HS3ST5: variants seen among roughly 807,000 people sequenced by gnomAD.
The protein encoded by HS3ST5 is heparan sulfate glucosamine 3-O-sulfotransferase 5.
In HS3ST5, 10 loss-of-function variants were observed where a neutral mutation model predicts 25.4. That is an observed-to-expected ratio of 0.39 (90% CI 0.24 to 0.67). HS3ST5 has a LOEUF of 0.67. Among genes scored for constraint, HS3ST5 ranks in the 30% least tolerant of loss-of-function variants. The probability of loss-of-function intolerance (pLI) is 0.44; values close to 1 mark genes in which losing one functional copy is unlikely to be tolerated. For synonymous variants in HS3ST5, 170 were observed against 162.4 expected (o/e 1.05, Z -0.36); for missense variants, 324 against 420.7 (o/e 0.77, Z 2.01).
intron 3 of HS3ST5, among the ~76,000 whole-genome samples, chr6:114,087,190 C>T (rs1774884225): frequency 6.6e-6 from 1 of 152,142 alleles, no homozygotes; most frequent in African/African-American, 2.4e-5. Context: ...TTTCTGGCTT[C>T]ATTTCTGATA....
chr6:114,288,691 G>A (rs963240757), intron 1 of HS3ST5, among the ~76,000 whole-genome samples: 28 of 151,938 alleles, frequency 1.8e-4, no homozygotes, highest in Non-Finnish European at 2.8e-4. Flanking sequence ...TCATGAAGAA[G>A]GCATTTATGC....
At chr6:114,160,092 A>G (rs1582665113) in intron 3 of HS3ST5, among the ~76,000 whole-genome samples, 1 of 152,204 alleles carries the variant, frequency 6.6e-6, no homozygotes, top group East Asian at 1.9e-4. Context: ...ACAGGAATAA[A>G]AAGATTGCAT....
chr6:114,270,937 T>C (rs1773611614), intron 1 of HS3ST5, among the ~76,000 whole-genome samples: 2 of 151,698 alleles, frequency 1.3e-5, no homozygotes, highest in Admixed American at 6.6e-5. Context: ...TTTGTTTAGG[T>C]TCCATGTTTT....
At chr6:114,071,785 G>A (rs555671721) in intron 3 of HS3ST5, among the ~76,000 whole-genome samples, 3 of 152,096 alleles carry the variant, frequency 2.0e-5, no homozygotes, top group East Asian at 1.9e-4. Flanking sequence ...GAAAAAAATC[G>A]AATACTCATA....
intron 4 of HS3ST5, among the ~76,000 whole-genome samples, chr6:114,059,998 G>A (rs1236675240): frequency 1.4e-5 from 2 of 147,876 alleles, no homozygotes; most frequent in African/African-American, 2.5e-5. Context: ...TGGAAAGTGT[G>A]AAAATATAGA....
chr6:114,071,896 G>A (rs1403921152), intron 3 of HS3ST5, among the ~76,000 whole-genome samples: 4 of 152,110 alleles, frequency 2.6e-5, no homozygotes, highest in Non-Finnish European at 5.9e-5. Context: ...TTAAAAATAA[G>A]TGGCAGATCT....
At chr6:114,322,706 G>A (rs768030790) in intron 1 of HS3ST5, among the ~76,000 whole-genome samples, 32 of 152,058 alleles carry the variant, frequency 2.1e-4, no homozygotes, top group Admixed American at 6.6e-4. Flanking sequence ...TTCCTTTCTT[G>A]CCATCTATAA....
At chr6:114,139,114 G>A (rs1296072589) in intron 3 of HS3ST5, among the ~76,000 whole-genome samples, 2 of 152,148 alleles carry the variant, frequency 1.3e-5, no homozygotes, top group African/African-American at 2.4e-5. Flanking sequence ...AGTCCCACAG[G>A]AATATCTTTG....
intron 1 of HS3ST5, among the ~76,000 whole-genome samples, chr6:114,249,928 G>A (rs1006302226): frequency 6.6e-6 from 1 of 152,092 alleles, no homozygotes; most frequent in African/African-American, 2.4e-5. Flanking sequence ...GATAACTAAT[G>A]TAAAAATAAA....
At chr6:114,183,155 T>C (rs1438555351) in intron 2 of HS3ST5, among the ~76,000 whole-genome samples, 1 of 152,184 alleles carries the variant, frequency 6.6e-6, no homozygotes, top group Non-Finnish European at 1.5e-5. Context: ...GCCAATGATA[T>C]GCTTTAGCTG....
intron 2 of HS3ST5, among the ~76,000 whole-genome samples, chr6:114,210,706 G>C (rs933685188): frequency 6.6e-6 from 1 of 152,132 alleles, no homozygotes; most frequent in Non-Finnish European, 1.5e-5. Flanking sequence ...GATATAGCTC[G>C]CTCAGCATTT....
At chr6:114,329,795 G>A (rs1010381495) in intron 1 of HS3ST5, among the ~76,000 whole-genome samples, 1 of 152,124 alleles carries the variant, frequency 6.6e-6, no homozygotes, top group Non-Finnish European at 1.5e-5. Context: ...GTCCTTGTGT[G>A]CTAGATAATT....
At chr6:114,283,405 T>C (rs563887577) in intron 1 of HS3ST5, among the ~76,000 whole-genome samples, 1 of 152,072 alleles carries the variant, frequency 6.6e-6, no homozygotes, top group African/African-American at 2.4e-5. Context: ...ACAATATAAA[T>C]GCTATCAAGA....
intron 3 of HS3ST5, among the ~76,000 whole-genome samples, chr6:114,156,515 G>A (rs552141309): frequency 1.3e-5 from 2 of 152,306 alleles, no homozygotes; most frequent in East Asian, 3.9e-4. Flanking sequence ...GTTATGTAGT[G>A]TGCTATTGAA....
chr6:114,293,136 T>C (rs1186683042), intron 1 of HS3ST5, among the ~76,000 whole-genome samples: 1 of 151,878 alleles, frequency 6.6e-6, no homozygotes, highest in Non-Finnish European at 1.5e-5. Flanking sequence ...GAGTAAGCCA[T>C]GGGATAGAGG....
chr6:114,284,292 T>G (rs545548984), intron 1 of HS3ST5, among the ~76,000 whole-genome samples: 2 of 152,140 alleles, frequency 1.3e-5, no homozygotes, highest in African/African-American at 4.8e-5. Context: ...CCCAAAGGCT[T>G]TCATATCGAG....
Position 114,256,901 on chromosome 6 carries a change from A to G in HS3ST5, c.-338-28123T>C, listed in dbSNP as rs191741949. On this transcript the variant is annotated intron_variant, in intron 1 of 4. Transcript: ENST00000312719. ...CCTGAGGCTGGTTAAATTATTAAAG[A>G]AAAAAAAGGTTTAATGGACTTATAG... 1.2e-4 allele frequency among the ~76,000 whole-genome samples: 19 copies of G among 152,146 alleles called. No individual in the cohort carries two copies. In the East Asian group the frequency reaches 3.7e-3, roughly 29 times the overall value.
In HS3ST5 at chr6:114,070,779, T is replaced by C. The variant is rs148037045; in HGVS notation, c.-32-7902A>G. Among the ~76,000 whole-genome samples the C allele has an allele frequency of 6.0e-3, 915 of 152,144 alleles. 3 individuals carry two copies. Among genetic ancestry groups the C allele is most frequent in the Middle Eastern group, 0.014 (4 of 294 alleles). Reference sequence around the variant, plus strand: ...CATTCTTGGCTCCACCCTGTCCCCATGTCCAATCAGCCAGTAAGATGCTAC... The same window carrying C: ...CATTCTTGGCTCCACCCTGTCCCCACGTCCAATCAGCCAGTAAGATGCTAC... On this transcript the variant is annotated intron_variant, in intron 3 of 4. Coordinates refer to ENST00000312719, the MANE Select transcript of HS3ST5 (RefSeq NM_153612.4).
At chr6:114,241,579 G>A (rs944937692) in intron 1 of HS3ST5, among the ~76,000 whole-genome samples, 1 of 152,106 alleles carries the variant, frequency 6.6e-6, no homozygotes, top group Non-Finnish European at 1.5e-5. Flanking sequence ...TTATCCACTT[G>A]GTAATAAGAT....
Sources: gnomAD v4.1 joint callset for allele counts (sites outside exome capture counted in the v4.1 genomes callset) on GRCh38, gnomAD v4.1.1 for gene constraint, MANE v1.5 for transcripts, NCBI Gene and HGNC (gene_info 2026-07-23, HGNC 2026-07-21) for gene names.